TIMELESS: variants seen among roughly 807,000 people sequenced by gnomAD.
The protein encoded by TIMELESS is protein timeless homolog.
TIMELESS carries 124 observed loss-of-function variants against 164.3 expected under a neutral mutation model. That is an observed-to-expected ratio of 0.75 (90% CI 0.65 to 0.88). The LOEUF (loss-of-function observed/expected upper bound fraction) is 0.88, where lower values mean the gene tolerates loss of function less well. Ranked by LOEUF, TIMELESS falls within the 40% of genes least tolerant of loss-of-function variation. The probability of loss-of-function intolerance (pLI) is 0.00; values close to 1 mark genes in which losing one functional copy is unlikely to be tolerated. For missense variants in TIMELESS, 1,422 were observed against 1,491.4 expected (o/e 0.95, Z 0.77); for synonymous variants, 564 against 563.4 (o/e 1.00, Z -0.02).
At position 56,433,532 on chromosome 12, in the gene TIMELESS, C is replaced by A. The variant is rs199929043; in HGVS notation, c.366+6G>T. 4.1e-5 allele frequency: 66 copies of A among 1,614,076 alleles called. No individual in the cohort carries two copies. The East Asian group carries it at 1.4e-3, about 34-fold the overall frequency. ...CCACCCCAGGGACTCCAAAGGAAAT[C>A]CTCACCTCTTTGTAGGCCTGCAAAT... On this transcript the variant is annotated splice_donor_region_variant and intron_variant, in intron 4 of 28. Transcript: ENST00000553532.
At chr12:56,419,222 C>T (rs1881372180) in intron 26 of TIMELESS, among the ~76,000 whole-genome samples, 1 of 151,284 alleles carries the variant, frequency 6.6e-6, no homozygotes, top group African/African-American at 2.4e-5. Flanking sequence ...GAACTCCTGA[C>T]CTCAGGTGAT....
chr12:56,432,187 A>C (rs1881908227), intron 7 of TIMELESS, among the ~76,000 whole-genome samples, 182 bp downstream of exon 7: 1 of 152,310 alleles, frequency 6.6e-6, no homozygotes, highest in South Asian at 2.1e-4. Context: ...GTTGACTGTG[A>C]GTAACTGAAA....
At chr12:56,435,629 A>C (rs966997577) in intron 1 of TIMELESS, among the ~76,000 whole-genome samples, 4 of 152,198 alleles carry the variant, frequency 2.6e-5, no homozygotes, top group African/African-American at 9.6e-5. Flanking sequence ...CTTTGCCAAC[A>C]TGGTGAAACC....
chr12:56,429,960 C>A (rs1054562773), intron 10 of TIMELESS, 145 bp downstream of exon 10: 9 of 702,272 alleles, frequency 1.3e-5, no homozygotes, highest in African/African-American at 3.7e-5. Flanking sequence ...TCAGGGACAT[C>A]CTAACTGTAT....
rs996867299 is a variant in TIMELESS at position 56,420,467 on chromosome 12, G to A, written c.3228+102C>T. Reference sequence around the variant, plus strand: ...AGACAATGAGAAGGACCAAGATGACGATAAGGATAAGGAGGACCACCATGA... The same window carrying A: ...AGACAATGAGAAGGACCAAGATGACAATAAGGATAAGGAGGACCACCATGA... On this transcript the variant is annotated intron_variant, in intron 26 of 28. Coordinates refer to ENST00000553532, the MANE Select transcript of TIMELESS (RefSeq NM_003920.5). 9.3e-5 allele frequency: 72 copies of A among 774,038 alleles called. 1 individual carries two copies. Among genetic ancestry groups the A allele is most frequent in the African/African-American group, 6.4e-4 (21 of 32,560 alleles). 47.9% of individuals were successfully genotyped at this position (774,038 alleles called of 1,614,324 possible).
At chr12:56,424,381 G>A (rs1311547058) in intron 15 of TIMELESS, among the ~76,000 whole-genome samples, 3 of 152,136 alleles carry the variant, frequency 2.0e-5, no homozygotes, top group East Asian at 1.9e-4. Flanking sequence ...AGTTAAGTCC[G>A]CCCTTAATGT....
intron 1 of TIMELESS, among the ~76,000 whole-genome samples, chr12:56,441,033 C>T (rs1289699861): frequency 6.6e-6 from 1 of 151,968 alleles, no homozygotes; most frequent in African/African-American, 2.4e-5. Flanking sequence ...GTTGCCTAGG[C>T]TGCTGAACTC....
intron 1 of TIMELESS, among the ~76,000 whole-genome samples, chr12:56,448,266 C>T (rs1245581555): frequency 6.6e-6 from 1 of 151,562 alleles, no homozygotes; most frequent in Non-Finnish European, 1.5e-5. Flanking sequence ...ATTAGCCGGG[C>T]GTGGTGGCGG....
chr12:56,421,365 C>T lies in TIMELESS; in HGVS notation c.2854G>A (p.Ala952Thr), dbSNP rs1255040626. 1 of 1,613,784 alleles carries T rather than the reference C, an allele frequency of 6.2e-7. No homozygotes were observed. Among genetic ancestry groups the T allele is most frequent in the Non-Finnish European group, 8.5e-7 (1 of 1,179,852 alleles). ...ELYKKRQKKL[A>T]SSILPNGAES... is the part of the protein sequence containing the mutation. The stretch of plus-strand genomic sequence containing the variant: ...CAGATTGTTACCAAGATGGAGGATG[C>T]CAACTTTTTCTGCCGTTTCTTGTAC... The change falls in exon 23 of 29, where the codon GCA becomes ACA. Residue 952 changes from alanine (A) to threonine (T), a missense_variant. By Grantham distance (58) the Ala-to-Thr change is moderately conservative. Transcript: ENST00000553532.
In TIMELESS at chr12:56,445,422, C is replaced by CAAAAAAAAAA. The variant is rs71081360; in HGVS notation, c.-62+3878_-62+3887dup. On this transcript the variant is annotated intron_variant, in intron 1 of 28. Coordinates refer to ENST00000553532, the MANE Select transcript of TIMELESS (RefSeq NM_003920.5). The stretch of plus-strand genomic sequence containing the variant: ...GGGAAACAAGAGCGAAACTCCACGT[C>CAAAAAAAAAA]AAAAAAAAAAAAAAAAAAAAAAAAA... Among the ~76,000 whole-genome samples the CAAAAAAAAAA allele has an allele frequency of 2.7e-4, 5 of 18,746 alleles. 1 individual carries two copies. Among genetic ancestry groups the CAAAAAAAAAA allele is most frequent in the Admixed American group, 1.1e-3 (1 of 940 alleles). 12.3% of individuals were successfully genotyped at this position (18,746 alleles called of 152,430 possible). A position where few individuals can be genotyped will look rare whatever the true frequency, so the allele number is the denominator to read the frequency against.
intron 1 of TIMELESS, among the ~76,000 whole-genome samples, chr12:56,446,890 C>T (rs11171854): frequency 6.6e-6 from 1 of 151,692 alleles, no homozygotes; most frequent in Non-Finnish European, 1.5e-5. Context: ...TCCTTAATGT[C>T]TACTGTGTAC....
intron 13 of TIMELESS, among the ~76,000 whole-genome samples, chr12:56,427,420 G>C (rs1321514413): frequency 6.6e-6 from 1 of 152,194 alleles, no homozygotes; most frequent in African/African-American, 2.4e-5. Flanking sequence ...ACTGTGCCCA[G>C]CCTGTCCTAG....
At chr12:56,426,433 C>A (rs1881680725) in intron 13 of TIMELESS, among the ~76,000 whole-genome samples, 1 of 148,086 alleles carries the variant, frequency 6.8e-6, no homozygotes. Flanking sequence ...GTTGCCCAGG[C>A]TGGAGTGCAA....
chr12:56,417,813 A>G, intron 28 of TIMELESS, 27 bp from the exon 29 acceptor site: 1 of 1,614,022 alleles, frequency 6.2e-7, no homozygotes, highest in Non-Finnish European at 8.5e-7. Flanking sequence ...GGTGAGAGAG[A>G]GAGAGAATAT....
chr12:56,436,965 C>T (rs1882093661), intron 1 of TIMELESS, among the ~76,000 whole-genome samples: 1 of 151,124 alleles, frequency 6.6e-6, no homozygotes, highest in Non-Finnish European at 1.5e-5. Context: ...GTCTCACGCT[C>T]TGTTGCCCAG....
intron 26 of TIMELESS, 135 bp downstream of exon 26, chr12:56,420,434 A>G: frequency 1.4e-6 from 1 of 702,232 alleles, no homozygotes; most frequent in Non-Finnish European, 2.4e-6. Flanking sequence ...TCTTGGTCAG[A>G]GATGACAAGA....
chr12:56,418,197 C>G lies in TIMELESS; in HGVS notation c.3391G>C (p.Ala1131Pro), dbSNP rs768478133. 2.5e-6 allele frequency: 4 copies of G among 1,614,234 alleles called. No individual in the cohort carries two copies. In the South Asian group the frequency reaches 4.4e-5, roughly 18 times the overall value. ...SDEEHCKEHR[A>P]QALRALLLAH... The stretch of plus-strand genomic sequence containing the variant: ...AGCAAGAGGGCCCTCAGGGCTTGTG[C>G]TCGGTGCTCTTTACAGTGCTCCTCA... The change falls in exon 27 of 29, where the codon GCA becomes CCA. Residue 1131 changes from alanine (A) to proline (P), a missense_variant. Ala to Pro is a conservative substitution (Grantham distance 27). Transcript: ENST00000553532.
chr12:56,419,842 C>T (rs1881395941), intron 26 of TIMELESS, among the ~76,000 whole-genome samples: 3 of 149,878 alleles, frequency 2.0e-5, no homozygotes, highest in African/African-American at 7.4e-5. Flanking sequence ...CCCATCTCTA[C>T]AAAAAATACA....
chr12:56,425,601 G>A (rs140989369), intron 13 of TIMELESS, among the ~76,000 whole-genome samples: 684 of 152,274 alleles, frequency 4.5e-3, no homozygotes, highest in Non-Finnish European at 8.0e-3. Flanking sequence ...ACAGCCAGGC[G>A]CAGTGGCTCA....
Sources: gnomAD v4.1 joint callset for allele counts (sites outside exome capture counted in the v4.1 genomes callset) on GRCh38, gnomAD v4.1.1 for gene constraint, MANE v1.5 for transcripts, NCBI Gene and HGNC (gene_info 2026-07-23, HGNC 2026-07-21) for gene names.